The following DMXL2 variants were observed in gnomAD, a reference collection of about 807,000 sequenced individuals.
DMXL2 encodes Dmx like 2.
Under a neutral mutation model 331.1 loss-of-function variants are expected in DMXL2, and 103 were observed. That is an observed-to-expected ratio of 0.31 (90% CI 0.27 to 0.37). The LOEUF (loss-of-function observed/expected upper bound fraction) is 0.37. Ranked by LOEUF, DMXL2 falls within the 10% of genes least tolerant of loss-of-function variation. The pLI is 1.00. For synonymous variants in DMXL2, 1,281 were observed against 1,252.1 expected, an observed-to-expected ratio of 1.02 and a Z score of -0.49; for missense variants, 3,171 against 3,642.9, an observed-to-expected ratio of 0.87 and a Z score of 3.33.
chr15:51,581,209 C>G (rs1340385723), intron 1 of DMXL2, among the ~76,000 whole-genome samples: 1 of 152,118 alleles, frequency 6.6e-6, no homozygotes, highest in Non-Finnish European at 1.5e-5. Flanking sequence ...CTCATAGGAA[C>G]TCAAGCCCTA....
At chr15:51,461,691 C>T (rs531741949) in intron 33 of DMXL2, among the ~76,000 whole-genome samples, 4 of 152,254 alleles carry the variant, frequency 2.6e-5, no homozygotes, top group South Asian at 2.1e-4. Flanking sequence ...GCTGGGATTA[C>T]AAGCATACAC....
At chr15:51,462,133 G>A (rs2040182699) in intron 33 of DMXL2, among the ~76,000 whole-genome samples, 1 of 152,106 alleles carries the variant, frequency 6.6e-6, no homozygotes, top group South Asian at 2.1e-4. Flanking sequence ...GTTCATAAGG[G>A]CTGACCACAA....
At chr15:51,517,671 T>C (rs1170849305) in intron 13 of DMXL2, among the ~76,000 whole-genome samples, 1 of 152,170 alleles carries the variant, frequency 6.6e-6, no homozygotes. Context: ...CAACCAGCTT[T>C]CTCTTGCATA....
rs1417930160 is a variant in DMXL2, at chr15:51,499,643, T to C, written c.3581A>G (p.Tyr1194Cys). 1.9e-6 allele frequency: 3 copies of C among 1,614,062 alleles called. No individual in the cohort carries two copies. The highest frequency in any genetic ancestry group is 2.5e-6 in the Non-Finnish European group (3 of 1,179,990). The change falls in exon 18 of 44, where the codon TAT becomes TGT. Residue 1194 changes from tyrosine to cysteine, a missense_variant. This residue lies in a region of DMXL2 where 1,674 missense variants were observed against 1,780.2 expected (regional missense o/e 0.94). Coordinates refer to ENST00000560891, the MANE Select transcript of DMXL2 (RefSeq NM_001378457.1). The stretch of plus-strand genomic sequence containing the variant: ...AGTCACAATTCCTGAAAGCCTTCCA[T>C]ACATGAAGATATTCGCACCGACTCC... ...TVGVGANIFM[Y>C]GRLSGIVTEQ... is the part of the protein sequence containing the mutation.
intron 15 of DMXL2, among the ~76,000 whole-genome samples, chr15:51,508,267 G>C (rs1474699324): frequency 6.6e-6 from 1 of 152,138 alleles, no homozygotes; most frequent in African/African-American, 2.4e-5. Context: ...CATGGCACGT[G>C]TAAACCTATG....
At position 51,502,334 on chromosome 15, in the gene DMXL2, G is replaced by T. The variant is rs556608844; in HGVS notation, c.2992+472C>A. ...TGTGTGTGTGTGTGTGTGTGTGTGT[G>T]TGTGTATGGAGTCTCACTGTGTCGC... On this transcript the variant is annotated intron_variant, in intron 17 of 43. Transcript: ENST00000560891. 4.6e-5 allele frequency among the ~76,000 whole-genome samples: 7 copies of T among 151,428 alleles called. No homozygotes were observed. The East Asian group carries it at 9.7e-4, about 21-fold the overall frequency.
chr15:51,580,495 T>G (rs2051335636), intron 1 of DMXL2, among the ~76,000 whole-genome samples: 2 of 152,200 alleles, frequency 1.3e-5, no homozygotes, highest in Admixed American at 1.3e-4. Flanking sequence ...TTGACCGGAT[T>G]ATCCCTCCTT....
In DMXL2 at chr15:51,592,555, A is replaced by C. The variant is rs370319905; in HGVS notation, c.88-16374T>G. On this transcript the variant is annotated intron_variant, in intron 1 of 43. Transcript: ENST00000560891. ...AGGCAGGCCAACATTCAAATTCAGG[A>C]AATACAGAGAACGCCACAAAGATAC... 3.2e-4 allele frequency among the ~76,000 whole-genome samples: 48 copies of C among 152,318 alleles called. No homozygotes were observed. The South Asian group carries it at 9.7e-3, about 31-fold the overall frequency.
intron 1 of DMXL2, among the ~76,000 whole-genome samples, chr15:51,603,217 T>C (rs184057754): frequency 1.4e-3 from 220 of 152,166 alleles, no homozygotes; most frequent in Non-Finnish European, 2.6e-3. Flanking sequence ...TTCAGCAAGA[T>C]AGGCAAAGAG....
intron 13 of DMXL2, among the ~76,000 whole-genome samples, chr15:51,519,729 G>A (rs181180553): frequency 1.6e-4 from 23 of 143,692 alleles, no homozygotes; most frequent in East Asian, 6.4e-4. Flanking sequence ...TGCAACCTGC[G>A]CCTCCCGAGT....
intron 13 of DMXL2, among the ~76,000 whole-genome samples, chr15:51,529,818 G>A (rs1032146281): frequency 1.3e-5 from 2 of 151,938 alleles, no homozygotes; most frequent in Admixed American, 6.6e-5. Context: ...GAACACTACA[G>A]GTCAATAACT....
In DMXL2 at chr15:51,545,610, G is replaced by A. The variant is rs2048844605; in HGVS notation, c.903C>T (p.His301=). 2 of 1,613,202 alleles carry A rather than the reference G, an allele frequency of 1.2e-6. No individual in the cohort carries two copies. The highest frequency in any genetic ancestry group is 1.7e-6 in the Non-Finnish European group (2 of 1,179,614). Residue 301 remains histidine, a synonymous_variant, in exon 8 of 44, where the codon CAC becomes CAT. Transcript: ENST00000560891. ...IASSLSHAGR[H]KDRIQHALET... Reference sequence around the variant, plus strand: ...CAAGAGCATGCTGTATTCTGTCTTTGTGTCTTCCAGCATGAGAAAGGCTGC... The same window carrying A: ...CAAGAGCATGCTGTATTCTGTCTTTATGTCTTCCAGCATGAGAAAGGCTGC...
chr15:51,494,763 A>G (rs764313414), intron 19 of DMXL2, among the ~76,000 whole-genome samples: 2 of 152,214 alleles, frequency 1.3e-5, no homozygotes, highest in Non-Finnish European at 2.9e-5. Flanking sequence ...TTACAACCTC[A>G]GGCATACCAC....
chr15:51,565,331 CT>C (rs1567125304), intron 3 of DMXL2, among the ~76,000 whole-genome samples, 165 bp from the exon 4 acceptor site: 1 of 152,046 alleles, frequency 6.6e-6, no homozygotes. Context: ...TTTAACGTAA[CT>C]TTCATTGGTT....
rs535683700 is a variant in DMXL2, at chr15:51,557,644, T to C, written c.567+5737A>G. 3.9e-5 allele frequency among the ~76,000 whole-genome samples: 6 copies of C among 152,250 alleles called. No homozygotes were observed. In the South Asian group the frequency reaches 1.0e-3, roughly 26 times the overall value. ...GATATCAAGACTTAATTTAAAGCTA[T>C]AGCAATTAAGTCAGGTGACACTCAT... On this transcript the variant is annotated intron_variant, in intron 6 of 43. Coordinates refer to ENST00000560891, the MANE Select transcript of DMXL2 (RefSeq NM_001378457.1).
intron 2 of DMXL2, among the ~76,000 whole-genome samples, chr15:51,572,003 T>C (rs2050700422): frequency 6.6e-6 from 1 of 152,070 alleles, no homozygotes; most frequent in Non-Finnish European, 1.5e-5. Flanking sequence ...CAGGAACTGG[T>C]TTTTTGAAAA....
At chr15:51,459,407 A>G (rs983211748) in intron 34 of DMXL2, among the ~76,000 whole-genome samples, 191 bp downstream of exon 34, 1 of 152,146 alleles carries the variant, frequency 6.6e-6, no homozygotes, top group East Asian at 1.9e-4. Flanking sequence ...GAAAGAGAAG[A>G]ACCAAGGGCA....
chr15:51,506,122 G>T (rs975214776), intron 16 of DMXL2, among the ~76,000 whole-genome samples: 3 of 152,200 alleles, frequency 2.0e-5, no homozygotes, highest in Non-Finnish European at 4.4e-5. Flanking sequence ...ACTTAGGCTG[G>T]AGTGCGGTGG....
At chr15:51,455,942 C>A (rs1414228930) in intron 39 of DMXL2, 124 bp downstream of exon 39, 8 of 1,145,394 alleles carry the variant, frequency 7.0e-6, no homozygotes, top group Non-Finnish European at 1.0e-5. Flanking sequence ...TAGACTCCAA[C>A]AAACTGTCTA....
Sources: gnomAD v4.1 joint callset for allele counts (sites outside exome capture counted in the v4.1 genomes callset) on GRCh38, gnomAD v4.1.1 for gene constraint, gnomAD v4.1.1 regional missense constraint, MANE v1.5 for transcripts, NCBI Gene and HGNC (gene_info 2026-07-23, HGNC 2026-07-21) for gene names.